EZH2: variants seen among roughly 807,000 people sequenced by gnomAD.
The protein encoded by EZH2 is histone-lysine N-methyltransferase EZH2.
In EZH2, 18 loss-of-function variants were observed where a neutral mutation model predicts 98.4. That is an observed-to-expected ratio of 0.18 (90% confidence interval 0.13 to 0.27). The LOEUF (loss-of-function observed/expected upper bound fraction) is 0.27, where lower values mean the gene tolerates loss of function less well. EZH2 is among the 10% of genes least tolerant of loss of function. The pLI is 1.00. For synonymous variants in EZH2, 338 were observed against 312.3 expected, an observed-to-expected ratio of 1.08 and a Z score of -0.87; for missense variants, 470 against 935.1, an observed-to-expected ratio of 0.50 and a Z score of 6.49.
intron 1 of EZH2, among the ~76,000 whole-genome samples, chr7:148,860,608 G>T (rs1040859844): frequency 2.6e-5 from 4 of 152,162 alleles, no homozygotes; most frequent in African/African-American, 9.7e-5. Flanking sequence ...GTTTATATGT[G>T]TTATAGCTAT....
At chr7:148,873,920 A>C (rs1455325538) in intron 1 of EZH2, among the ~76,000 whole-genome samples, 2 of 152,310 alleles carry the variant, frequency 1.3e-5, no homozygotes, top group East Asian at 3.9e-4. Flanking sequence ...GAAGCTGCTT[A>C]ACTTGGTTGG....
At chr7:148,873,491 CAA>C (rs1162280467) in intron 1 of EZH2, among the ~76,000 whole-genome samples, 17 of 58,518 alleles carry the variant, frequency 2.9e-4, no homozygotes, top group Non-Finnish European at 9.9e-5. Flanking sequence ...GACTCTGTCT[CAA>C]AAAAAAAAAA....
chr7:148,846,587 A>T lies in EZH2; in HGVS notation c.129T>A (p.Ser43Arg). 1 of 1,581,410 alleles carries T rather than the reference A, an allele frequency of 6.3e-7. No homozygotes were observed. Among genetic ancestry groups the T allele is most frequent in the Non-Finnish European group, 8.5e-7 (1 of 1,171,008 alleles). Reference sequence around the variant, plus strand: ...TTTCCAAAATTTTCTGACGATTGGAACTAAACATACTCTTAAAAAAAAAAA... The same window carrying T: ...TTTCCAAAATTTTCTGACGATTGGATCTAAACATACTCTTAAAAAAAAAAA... Reference protein sequence around the residue: ...RRADEVKSMFSSNRQKILERT... With the variant: ...RRADEVKSMFRSNRQKILERT... The change falls in exon 3 of 20, where the codon AGT (serine) becomes AGA (arginine). Residue 43 changes from serine to arginine, a missense_variant. By Grantham distance (110) the Ser-to-Arg change is moderately radical. This residue lies in a region of EZH2 where 79 missense variants were observed against 122.1 expected (regional missense o/e 0.65). Transcript: ENST00000320356.
intron 3 of EZH2, among the ~76,000 whole-genome samples, chr7:148,843,335 C>G (rs1241670230): frequency 6.6e-6 from 1 of 151,978 alleles, no homozygotes; most frequent in African/African-American, 2.4e-5. Flanking sequence ...TGTACCACTG[C>G]ACTCCAGCCT....
chr7:148,810,451 A>T, intron 16 of EZH2, 37 bp from the exon 17 acceptor site: 1 of 1,433,582 alleles, frequency 7.0e-7, no homozygotes, highest in Non-Finnish European at 9.8e-7. Context: ...TCTTTTGGAT[A>T]AAGGTGATCA....
At chr7:148,833,264 C>T (rs1458543796) in intron 3 of EZH2, among the ~76,000 whole-genome samples, 2 of 151,868 alleles carry the variant, frequency 1.3e-5, no homozygotes, top group African/African-American at 4.8e-5. Flanking sequence ...CGAGACCATC[C>T]TGGCTAACAC....
At chr7:148,875,253 T>G (rs1229797511) in intron 1 of EZH2, among the ~76,000 whole-genome samples, 1 of 152,232 alleles carries the variant, frequency 6.6e-6, no homozygotes, top group African/African-American at 2.4e-5. Context: ...ACAATTTGTT[T>G]CACATAATTT....
At chr7:148,807,737 A>ATGGCCACCCATCCAAC in intron 19 of EZH2, 31 bp from the exon 20 acceptor site, 1 of 1,500,316 alleles carries the variant, frequency 6.7e-7, no homozygotes, top group Non-Finnish European at 9.0e-7. Flanking sequence ...TGTCCGCTGG[A>ATGGCCACCCATCCAAC]TGGCCACCCA....
At chr7:148,860,683 T>C (rs551920849) in intron 1 of EZH2, among the ~76,000 whole-genome samples, 93 of 152,330 alleles carry the variant, frequency 6.1e-4, no homozygotes, top group Non-Finnish European at 1.1e-3. Flanking sequence ...TATTTTATTT[T>C]ATTTTTTTGA....
At chr7:148,866,662 A>G (rs970723622) in intron 1 of EZH2, among the ~76,000 whole-genome samples, 2 of 147,072 alleles carry the variant, frequency 1.4e-5, no homozygotes, top group Non-Finnish European at 3.0e-5. Context: ...ATATACGTAT[A>G]TGCATATATA....
At chr7:148,822,099 A>C (rs1055088063) in intron 8 of EZH2, among the ~76,000 whole-genome samples, 2 of 152,230 alleles carry the variant, frequency 1.3e-5, no homozygotes, top group African/African-American at 2.4e-5. Flanking sequence ...TAAATTCCAA[A>C]TGGATCAAAG....
At chr7:148,864,580 C>T (rs1181035142) in intron 1 of EZH2, among the ~76,000 whole-genome samples, 1 of 150,398 alleles carries the variant, frequency 6.6e-6, no homozygotes, top group Non-Finnish European at 1.5e-5. Context: ...ACTCTGGAGG[C>T]TGAGGTGGGA....
intron 8 of EZH2, among the ~76,000 whole-genome samples, chr7:148,821,762 G>T (rs1433911488): frequency 1.3e-5 from 2 of 152,236 alleles, no homozygotes; most frequent in African/African-American, 4.8e-5. Flanking sequence ...GGAAGTCAAG[G>T]TTGCAGTGAG....
chr7:148,807,984 C>G (rs564717719), intron 19 of EZH2, among the ~76,000 whole-genome samples: 6 of 152,304 alleles, frequency 3.9e-5, no homozygotes, highest in African/African-American at 1.4e-4. Context: ...GACCAGCCTC[C>G]CCTATGCCTC....
intron 3 of EZH2, among the ~76,000 whole-genome samples, chr7:148,834,337 T>TTATATATATA (rs746918834): frequency 1.6e-3 from 229 of 142,694 alleles, no homozygotes; most frequent in African/African-American, 5.9e-3. Flanking sequence ...TGAAAAATCA[T>TTATATATATA]TATATATATA....
At chr7:148,851,952 G>A (rs897004420) in intron 1 of EZH2, among the ~76,000 whole-genome samples, 24 of 152,226 alleles carry the variant, frequency 1.6e-4, no homozygotes, top group African/African-American at 5.8e-4. Flanking sequence ...CTACTGAATG[G>A]ACACTGTGTA....
chr7:148,849,459 G>C (rs149357598), intron 1 of EZH2, among the ~76,000 whole-genome samples: 1 of 152,188 alleles, frequency 6.6e-6, no homozygotes, highest in African/African-American at 2.4e-5. Context: ...GGAACGAAGA[G>C]ATAAGAATGG....
At chr7:148,811,062 A>G (rs1802932309) in intron 16 of EZH2, among the ~76,000 whole-genome samples, 1 of 152,182 alleles carries the variant, frequency 6.6e-6, no homozygotes, top group Admixed American at 6.5e-5. Flanking sequence ...AGGCCACTCT[A>G]TGGTAAAGCT....
At chr7:148,839,453 T>C (rs999653830) in intron 3 of EZH2, among the ~76,000 whole-genome samples, 1 of 150,440 alleles carries the variant, frequency 6.6e-6, no homozygotes, top group African/African-American at 2.5e-5. Flanking sequence ...AGAAAGACTT[T>C]TGGAACCTTT....
Sources: allele counts gnomAD v4.1 joint callset (sites outside exome capture counted in the v4.1 genomes callset), GRCh38; gene constraint gnomAD v4.1.1; regional missense constraint gnomAD v4.1.1; transcripts MANE v1.5; gene names NCBI Gene and HGNC (gene_info 2026-07-23, HGNC 2026-07-21).